Variants in FAT4 observed in about 807,000 individuals in gnomAD.
FAT4 encodes FAT atypical cadherin 4.
A neutral mutation model predicts 303.9 loss-of-function variants in FAT4; 84 were observed. The ratio of observed to expected loss-of-function variants is 0.28; its 90% CI spans 0.23 to 0.33. The LOEUF (loss-of-function observed/expected upper bound fraction) is 0.33. FAT4 is among the 10% of genes least tolerant of loss of function. The pLI is 1.00. For missense variants in FAT4, 6,005 were observed against 6,146.8 expected (o/e 0.98, Z 0.77); for synonymous variants, 2,307 against 2,298.8 (o/e 1.00, Z -0.10).
chr4:125,386,867 T>A (rs1337105117), intron 2 of FAT4, among the ~76,000 whole-genome samples: 3 of 152,120 alleles, frequency 2.0e-5, no homozygotes, highest in East Asian at 1.9e-4. Flanking sequence ...GTCCCCAAAC[T>A]TTTTGGTACC....
rs1180182493 is a variant in FAT4, at chr4:125,317,033, C to A, written c.622C>A (p.Leu208Met). 1 of 1,614,064 alleles carries A rather than the reference C, an allele frequency of 6.2e-7. No homozygotes were observed. Among genetic ancestry groups the A allele is most frequent in the Non-Finnish European group, 8.5e-7 (1 of 1,180,030 alleles). ...AFLHLVSKGG[L>M]DREVTPQYQL... ...CCTGCATCTGGTGTCCAAGGGCGGACTGGACCGTGAGGTCACTCCGCAGTA... is the reference window on the plus strand; with the variant it reads ...CCTGCATCTGGTGTCCAAGGGCGGAATGGACCGTGAGGTCACTCCGCAGTA... Residue 208 changes from leucine (L) to methionine (M), a missense_variant, in exon 2 of 18, where the codon CTG becomes ATG. Transcript: ENST00000394329. This position sits in a 1 kb window ranked among gnomAD's most constrained non-coding sequence, Gnocchi z 7.0.
chr4:125,445,608 C>T (rs1725800024), intron 8 of FAT4, among the ~76,000 whole-genome samples: 1 of 152,034 alleles, frequency 6.6e-6, no homozygotes, highest in Non-Finnish European at 1.5e-5. Context: ...TATATGCAGA[C>T]AACTGTACTC....
At chr4:125,444,935 A>T (rs1177097436) in intron 8 of FAT4, among the ~76,000 whole-genome samples, 2 of 152,130 alleles carry the variant, frequency 1.3e-5, no homozygotes, top group African/African-American at 4.8e-5. Context: ...TGAATTTTCA[A>T]GTTTTAAGAA....
In FAT4 at chr4:125,415,647, T is replaced by C. The variant is rs1217695335; in HGVS notation, c.6684T>C (p.Thr2228=). Residue 2228 remains threonine, a synonymous_variant, in exon 6 of 18, where the codon ACT becomes ACC. Coordinates refer to ENST00000394329, the MANE Select transcript of FAT4 (RefSeq NM_001291303.3). ...DREKTPTYHL[T]VQATDRGSTP... is the part of the protein sequence containing the mutation. ...AAAAGACCCCTACCTACCATTTAAC[T>C]GTTCAGGCAACAGATCGAGGCAGCA... The C allele has an allele frequency of 6.2e-7, 1 of 1,614,092 alleles. No homozygotes were observed. The highest frequency in any genetic ancestry group is 1.7e-5 in the Admixed American group (1 of 60,010).
Position 125,319,469 on chromosome 4 carries a change from G to C in FAT4, c.3058G>C (p.Ala1020Pro), listed in dbSNP as rs750047850. The change falls in exon 2 of 18, where the codon GCT (alanine) becomes CCT (proline). Residue 1020 changes from alanine (A) to proline (P), a missense_variant. Transcript: ENST00000394329. ...GAATTCTCGATTCTTTAAAGTACAA[G>C]CTTCTGATAAGGATTCAGGAGCAAA... ...PVNSRFFKVQ[A>P]SDKDSGANGE... 4.3e-6 allele frequency: 7 copies of C among 1,613,678 alleles called. No individual in the cohort carries two copies. Among genetic ancestry groups the C allele is most frequent in the Non-Finnish European group, 5.9e-6 (7 of 1,179,748 alleles).
chr4:125,456,369 C>T (rs951595049), intron 10 of FAT4, among the ~76,000 whole-genome samples: 1 of 152,108 alleles, frequency 6.6e-6, no homozygotes, highest in Non-Finnish European at 1.5e-5. Flanking sequence ...CCTCAGAGTT[C>T]ACTTCAGTCT....
rs764381241 is a variant in FAT4 at position 125,468,747 on chromosome 4, A to G, written c.12141A>G (p.Thr4047=). 4.3e-6 allele frequency: 7 copies of G among 1,614,060 alleles called. No individual in the cohort carries two copies. The Admixed American group carries it at 5.0e-5, about 12-fold the overall frequency. ...TCTCTTATAATTTAGGCAGTGGTACATATAAGCTCACCACCATGAAGAAGG... is the reference window on the plus strand; with the variant it reads ...TCTCTTATAATTTAGGCAGTGGTACGTATAAGCTCACCACCATGAAGAAGG... The part of the protein sequence containing the change: ...LRFSYNLGSG[T]YKLTTMKKVS... Residue 4047 remains threonine (T), a synonymous_variant, in exon 12 of 18, where the codon ACA becomes ACG. Coordinates refer to ENST00000394329, the MANE Select transcript of FAT4 (RefSeq NM_001291303.3).
chr4:125,319,027 A>C lies in FAT4; in HGVS notation c.2616A>C (p.Thr872=), dbSNP rs1339629807. 6.2e-7 allele frequency: 1 copy of C among 1,614,224 alleles called. No homozygotes were observed. Among genetic ancestry groups the C allele is most frequent in the Admixed American group, 1.7e-5 (1 of 60,030 alleles). Residue 872 remains threonine (T), a synonymous_variant, in exon 2 of 18, where the codon ACA becomes ACC. Coordinates refer to ENST00000394329, the MANE Select transcript of FAT4 (RefSeq NM_001291303.3). ...YQLKVVASGG[T]VTGDTMVNIT... Reference sequence around the variant, plus strand: ...TGAAGGTAGTGGCCAGTGGGGGCACAGTGACTGGAGACACTATGGTTAACA... The same window carrying C: ...TGAAGGTAGTGGCCAGTGGGGGCACCGTGACTGGAGACACTATGGTTAACA...
chr4:125,478,079 C>T (rs975375749), intron 14 of FAT4, among the ~76,000 whole-genome samples: 19 of 151,994 alleles, frequency 1.3e-4, no homozygotes, highest in African/African-American at 4.6e-4. Flanking sequence ...ATTAATATAC[C>T]AATTACCCTG....
intron 12 of FAT4, among the ~76,000 whole-genome samples, chr4:125,470,226 G>C (rs530925990): frequency 6.6e-6 from 1 of 152,222 alleles, no homozygotes; most frequent in South Asian, 2.1e-4. Context: ...TGTCATCCAG[G>C]CATTTCTGTT....
chr4:125,342,245 C>T lies in FAT4; in HGVS notation c.5175+20659C>T, dbSNP rs568106529. ...TCTATAAATTTCTAAAATTTCAGCA[C>T]GGTGATTGGTGTTGATAAATTTAAA... On this transcript the variant is annotated intron_variant, in intron 2 of 17. Coordinates refer to ENST00000394329, the MANE Select transcript of FAT4 (RefSeq NM_001291303.3). Among the ~76,000 whole-genome samples, 13 of 151,954 alleles carry T rather than the reference C, an allele frequency of 8.6e-5. No homozygotes were observed. In the South Asian group the frequency reaches 1.0e-3, roughly 12 times the overall value.
Position 125,468,730 on chromosome 4 carries a change from A to G in FAT4, c.12124A>G (p.Asn4042Asp). ...CGAAGAAAGACTAAGATTCTCTTAT[A>G]ATTTAGGCAGTGGTACATATAAGCT... ...IAEERLRFSY[N>D]LGSGTYKLTT... Residue 4042 changes from asparagine to aspartate, a missense_variant, in exon 12 of 18, where the codon AAT becomes GAT. Transcript: ENST00000394329. 3 of 1,614,168 alleles carry G rather than the reference A, an allele frequency of 1.9e-6. No individual in the cohort carries two copies. The highest frequency in any genetic ancestry group is 2.5e-6 in the Non-Finnish European group (3 of 1,180,010).
At chr4:125,324,794 T>C (rs1371533479) in intron 2 of FAT4, among the ~76,000 whole-genome samples, 1 of 152,164 alleles carries the variant, frequency 6.6e-6, no homozygotes, top group Non-Finnish European at 1.5e-5. Flanking sequence ...GTCTTGTCTA[T>C]TGATATTTAC....
intron 8 of FAT4, among the ~76,000 whole-genome samples, chr4:125,444,232 G>T (rs544921964): frequency 3.9e-4 from 60 of 152,230 alleles, no homozygotes; most frequent in Non-Finnish European, 6.6e-4. Context: ...CACAGTTCTG[G>T]AGGCTGGGAA....
chr4:125,419,521 A>G (rs1735204219), intron 7 of FAT4, among the ~76,000 whole-genome samples: 1 of 152,178 alleles, frequency 6.6e-6, no homozygotes. Flanking sequence ...TGCATGGTGC[A>G]TTATTCAACA....
intron 14 of FAT4, among the ~76,000 whole-genome samples, chr4:125,477,671 AGATGT>A (rs1727080129): frequency 6.6e-6 from 1 of 152,008 alleles, no homozygotes; most frequent in East Asian, 1.9e-4. Context: ...AGAGATATGT[AGATGT>A]TAGCCATCAT....
intron 2 of FAT4, among the ~76,000 whole-genome samples, chr4:125,325,049 A>G (rs1039277822): frequency 3.3e-5 from 5 of 152,072 alleles, no homozygotes; most frequent in African/African-American, 1.2e-4. Context: ...TTTTGGCTAA[A>G]ATATACAAGC....
At chr4:125,422,360 C>G (rs551792625) in intron 7 of FAT4, among the ~76,000 whole-genome samples, 11 of 152,248 alleles carry the variant, frequency 7.2e-5, no homozygotes, top group Middle Eastern at 3.4e-3. Flanking sequence ...TCCACCAAAT[C>G]GCATCTTGAA....
intron 2 of FAT4, among the ~76,000 whole-genome samples, chr4:125,322,749 A>G (rs1731004801): frequency 6.6e-6 from 1 of 150,784 alleles, no homozygotes; most frequent in South Asian, 2.1e-4. Flanking sequence ...ATATTTTTGT[A>G]TCCTCTGTGA....
Sources: allele counts gnomAD v4.1 joint callset (sites outside exome capture counted in the v4.1 genomes callset), GRCh38; gene constraint gnomAD v4.1.1; non-coding constraint Gnocchi (gnomAD v3.1); transcripts MANE v1.5; gene names NCBI Gene and HGNC (gene_info 2026-07-23, HGNC 2026-07-21).